Variants in FHIT observed in about 807,000 individuals in gnomAD.
FHIT encodes the protein fragile histidine triad diadenosine triphosphatase, also known as bis(5'-adenosyl)-triphosphatase.
Under a neutral mutation model 17.9 loss-of-function variants are expected in FHIT, and 19 were observed. The ratio of observed to expected loss-of-function variants is 1.06; its 90% CI spans 0.74 to 1.56. The LOEUF is 1.56. Among genes scored for constraint, FHIT ranks in the 40% most tolerant of loss-of-function variants. The pLI, the probability that FHIT is intolerant of heterozygous loss-of-function variation, is 0.00. For synonymous variants in FHIT, 81 were observed against 69.7 expected, an observed-to-expected ratio of 1.16 and a Z score of -0.81; for missense variants, 248 against 189.2, an observed-to-expected ratio of 1.31 and a Z score of -1.82.
chr3:59,859,208 A>C (rs1365721447), intron 8 of FHIT, among the ~76,000 whole-genome samples: 1 of 152,220 alleles, frequency 6.6e-6, no homozygotes, highest in African/African-American at 2.4e-5. Context: ...CAGGTGATCA[A>C]GTGGGGATAC....
chr3:61,133,724 T>C (rs1050499240), intron 2 of FHIT, among the ~76,000 whole-genome samples: 2 of 151,958 alleles, frequency 1.3e-5, no homozygotes, highest in Admixed American at 6.6e-5. Flanking sequence ...AACTAAATAA[T>C]ACAGCAAAAA....
chr3:61,067,051 C>G (rs2034636692), intron 2 of FHIT, among the ~76,000 whole-genome samples: 1 of 152,128 alleles, frequency 6.6e-6, no homozygotes, highest in Non-Finnish European at 1.5e-5. Context: ...TGAGTAAGGC[C>G]TAAACCAGAA....
intron 3 of FHIT, among the ~76,000 whole-genome samples, chr3:60,839,601 C>T (rs1702649173): frequency 6.6e-6 from 1 of 152,052 alleles, no homozygotes; most frequent in Non-Finnish European, 1.5e-5. Flanking sequence ...AAAAAAAAAT[C>T]AGATTTACAT....
chr3:61,094,345 A>G (rs780007239), intron 2 of FHIT, among the ~76,000 whole-genome samples: 2 of 152,176 alleles, frequency 1.3e-5, no homozygotes, highest in Non-Finnish European at 2.9e-5. Flanking sequence ...TGTCTGTGCA[A>G]CCTTGCATAA....
chr3:60,545,483 T>C (rs1392719475), intron 4 of FHIT, among the ~76,000 whole-genome samples: 1 of 152,212 alleles, frequency 6.6e-6, no homozygotes, highest in Non-Finnish European at 1.5e-5. Flanking sequence ...TGTTTTTCTC[T>C]TGGGTAACAA....
intron 7 of FHIT, among the ~76,000 whole-genome samples, chr3:59,925,832 T>G (rs1389276258): frequency 6.6e-6 from 1 of 152,084 alleles, no homozygotes; most frequent in Non-Finnish European, 1.5e-5. Context: ...AACAGGGAAA[T>G]CACGATAGAG....
At chr3:60,211,601 C>G (rs1703456087) in intron 5 of FHIT, among the ~76,000 whole-genome samples, 1 of 152,168 alleles carries the variant, frequency 6.6e-6, no homozygotes, top group South Asian at 2.1e-4. Flanking sequence ...AAGGAAAACT[C>G]TAAACTGCTC....
At chr3:61,046,831 G>A (rs900568897) in intron 2 of FHIT, among the ~76,000 whole-genome samples, 1 of 152,128 alleles carries the variant, frequency 6.6e-6, no homozygotes, top group Non-Finnish European at 1.5e-5. Context: ...TGCAAGGATG[G>A]TTCAACATAT....
intron 5 of FHIT, among the ~76,000 whole-genome samples, chr3:60,193,322 T>C (rs1702485387): frequency 6.6e-6 from 1 of 152,140 alleles, no homozygotes; most frequent in African/African-American, 2.4e-5. Flanking sequence ...TAGGTTTCAA[T>C]GCATGTAAGA....
intron 5 of FHIT, among the ~76,000 whole-genome samples, chr3:60,145,416 T>C (rs114882577): frequency 0.014 from 2,097 of 152,246 alleles, 25 homozygotes; most frequent in Non-Finnish European, 0.021. Flanking sequence ...CAACAAATTA[T>C]TAGAAATTAA....
chr3:60,426,349 C>G (rs1702665013), intron 5 of FHIT, among the ~76,000 whole-genome samples: 1 of 152,112 alleles, frequency 6.6e-6, no homozygotes, highest in African/African-American at 2.4e-5. Context: ...CTCCCAAAGT[C>G]CTAGGACGGT....
intron 2 of FHIT, among the ~76,000 whole-genome samples, chr3:61,178,445 T>C (rs1341434265): frequency 2.7e-5 from 4 of 150,810 alleles, no homozygotes; most frequent in Admixed American, 2.0e-4. Flanking sequence ...GGTGTTATTT[T>C]CAAGAAAACC....
chr3:60,792,699 T>C (rs1700824391), intron 4 of FHIT, among the ~76,000 whole-genome samples: 1 of 152,320 alleles, frequency 6.6e-6, no homozygotes, highest in African/African-American at 2.4e-5. Flanking sequence ...ATGAGCAAAG[T>C]GCTTTTTGGT....
At chr3:59,940,475 T>C (rs933761910) in intron 7 of FHIT, among the ~76,000 whole-genome samples, 8 of 152,186 alleles carry the variant, frequency 5.3e-5, no homozygotes, top group African/African-American at 1.7e-4. Flanking sequence ...ATACTTATCC[T>C]GGGCATGAAG....
At chr3:60,313,646 A>T (rs1021127642) in intron 5 of FHIT, among the ~76,000 whole-genome samples, 7 of 152,168 alleles carry the variant, frequency 4.6e-5, no homozygotes, top group African/African-American at 1.7e-4. Flanking sequence ...TAAGTGACAA[A>T]TGATAGCTGA....
intron 5 of FHIT, among the ~76,000 whole-genome samples, chr3:60,393,971 A>G (rs890253771): frequency 2.6e-5 from 4 of 152,156 alleles, no homozygotes; most frequent in African/African-American, 7.2e-5. Flanking sequence ...GAAGATGTCT[A>G]AAGAAAGCTG....
chr3:61,050,689 A>G (rs1002256346), intron 2 of FHIT, among the ~76,000 whole-genome samples: 1 of 152,256 alleles, frequency 6.6e-6, no homozygotes, highest in African/African-American at 2.4e-5. Context: ...AAGATTGGCA[A>G]GATATTGATA....
intron 5 of FHIT, among the ~76,000 whole-genome samples, chr3:60,418,191 G>A (rs1266504623): frequency 2.0e-5 from 3 of 151,544 alleles, no homozygotes; most frequent in African/African-American, 7.3e-5. Flanking sequence ...CTAAAACCTC[G>A]CTTTATGTCT....
At chr3:60,015,695 A>G (rs537633220) in intron 5 of FHIT, among the ~76,000 whole-genome samples, 171 of 152,326 alleles carry the variant, frequency 1.1e-3, no homozygotes, top group African/African-American at 3.3e-3. Context: ...AACGAAGTCC[A>G]TAAGTGCTAT....
Sources: allele counts gnomAD v4.1 joint callset (sites outside exome capture counted in the v4.1 genomes callset), GRCh38; gene constraint gnomAD v4.1.1; transcripts MANE v1.5; gene names NCBI Gene and HGNC (gene_info 2026-07-23, HGNC 2026-07-21).